SUDS3: variants seen among roughly 807,000 people sequenced by gnomAD.
The protein encoded by SUDS3 is SIN3A corepressor complex component SDS3, also known as sin3 histone deacetylase corepressor complex component SDS3.
In SUDS3, 23 loss-of-function variants were observed where a neutral mutation model predicts 53.5. The observed-to-expected ratio is 0.43, with a 90% CI of 0.31 to 0.61. The LOEUF is 0.61. Among genes scored for constraint, SUDS3 ranks in the 20% least tolerant of loss-of-function variants. SUDS3 has a pLI of 0.10. For synonymous variants in SUDS3, 150 were observed against 148.5 expected (o/e 1.01, Z -0.08); for missense variants, 291 against 405.9 (o/e 0.72, Z 2.43).
chr12:118,405,677 A>G (rs578045176), intron 10 of SUDS3, among the ~76,000 whole-genome samples: 1 of 152,166 alleles, frequency 6.6e-6, no homozygotes, highest in Non-Finnish European at 1.5e-5. Context: ...CAGAGATCAT[A>G]ATGCAGTTGT....
chr12:118,409,181 T>C (rs2141391774), intron 10 of SUDS3, among the ~76,000 whole-genome samples: 1 of 151,618 alleles, frequency 6.6e-6, no homozygotes, highest in Admixed American at 6.6e-5. Context: ...AGAGTCTCGC[T>C]CTGTTGCTCA....
rs1309751595 is a variant in SUDS3 at position 118,415,906 on chromosome 12, C to G, written c.*1473C>G. Reference sequence around the variant, plus strand: ...TTATACAGATAGATTTTTGTTTTAACTTACAATCCGTTTTTTCCTCTTTTT... The same window carrying G: ...TTATACAGATAGATTTTTGTTTTAAGTTACAATCCGTTTTTTCCTCTTTTT... On this transcript the variant is annotated 3_prime_UTR_variant, in exon 12 of 12. Coordinates refer to ENST00000543473, the MANE Select transcript of SUDS3 (RefSeq NM_022491.3). 6.6e-6 allele frequency: 1 copy of G among 150,604 alleles called. No individual in the cohort carries two copies. The highest frequency in any genetic ancestry group is 2.0e-4 in the East Asian group (1 of 5,122). The allele number at this position is 150,604 out of a possible 1,614,324, so 9.3% of individuals were successfully genotyped here.
At chr12:118,379,352 G>T (rs552699136) in intron 1 of SUDS3, among the ~76,000 whole-genome samples, 2 of 152,044 alleles carry the variant, frequency 1.3e-5, no homozygotes, top group Non-Finnish European at 2.9e-5. Flanking sequence ...CAGGAGAATC[G>T]CTTGAACCCA....
In SUDS3 at chr12:118,414,945, G is replaced by A. The variant is rs1041554807; in HGVS notation, c.*512G>A. ...GGCAGAGGTCCTAGCAGGAGATGAT[G>A]AATTCTCGTGGCTCTCGGCCTTCTC... On this transcript the variant is annotated 3_prime_UTR_variant, in exon 12 of 12. Transcript: ENST00000543473. The A allele has an allele frequency of 1.3e-5, 2 of 152,306 alleles. No individual in the cohort carries two copies. Among genetic ancestry groups the A allele is most frequent in the African/African-American group, 4.8e-5 (2 of 41,464 alleles). The allele number at this position is 152,306 out of a possible 1,614,324, so 9.4% of individuals were successfully genotyped here.
Position 118,414,453 on chromosome 12 carries a change from C to T in SUDS3, c.*20C>T. ...GCTTGACTTTCTACAGTGCTCTTCTCTTGACCCTTTTTCTGGAGTGGGTTT... is the reference window on the plus strand; with the variant it reads ...GCTTGACTTTCTACAGTGCTCTTCTTTTGACCCTTTTTCTGGAGTGGGTTT... On this transcript the variant is annotated 3_prime_UTR_variant, in exon 12 of 12. Coordinates refer to ENST00000543473, the MANE Select transcript of SUDS3 (RefSeq NM_022491.3). The T allele has an allele frequency of 6.5e-7, 1 of 1,532,492 alleles. No homozygotes were observed. The highest frequency in any genetic ancestry group is 1.2e-5 in the South Asian group (1 of 80,308). The allele number at this position is 1,532,492 out of a possible 1,614,324, so 94.9% of individuals were successfully genotyped here. A position where few individuals can be genotyped will look rare whatever the true frequency, so the allele number is the denominator to read the frequency against.
At chr12:118,407,955 G>T (rs1442461056) in intron 10 of SUDS3, among the ~76,000 whole-genome samples, 4 of 152,018 alleles carry the variant, frequency 2.6e-5, no homozygotes, top group Non-Finnish European at 5.9e-5. Context: ...AGGCTGGAGT[G>T]CAGTGGCGCC....
intron 9 of SUDS3, among the ~76,000 whole-genome samples, chr12:118,402,855 G>A (rs1433135238): frequency 6.6e-6 from 1 of 151,870 alleles, no homozygotes; most frequent in African/African-American, 2.4e-5. Flanking sequence ...CCGACTCCCA[G>A]GTTCAAGTGA....
intron 2 of SUDS3, among the ~76,000 whole-genome samples, chr12:118,383,152 G>T (rs923300342): frequency 1.3e-5 from 2 of 152,150 alleles, no homozygotes; most frequent in Non-Finnish European, 2.9e-5. Context: ...TTATTTGAGC[G>T]CTAAAAAGGT....
At chr12:118,399,887 G>C (rs61943403) in intron 6 of SUDS3, among the ~76,000 whole-genome samples, 22,417 of 152,164 alleles carry the variant, frequency 0.15, 1,716 homozygotes, top group Middle Eastern at 0.2. Flanking sequence ...GGAGCTGGAA[G>C]TGGTGATTGC....
intron 10 of SUDS3, among the ~76,000 whole-genome samples, chr12:118,410,580 T>TTTATTTA (rs1491473858): frequency 3.0e-5 from 4 of 133,554 alleles, no homozygotes; most frequent in African/African-American, 1.2e-4. Context: ...TATTTATTTA[T>TTTATTTA]TTTATTTATT....
intron 4 of SUDS3, among the ~76,000 whole-genome samples, chr12:118,387,067 G>A (rs1235330220): frequency 6.6e-6 from 1 of 152,122 alleles, no homozygotes; most frequent in Non-Finnish European, 1.5e-5. Flanking sequence ...ACTCTCCAAC[G>A]CTTCACTGTG....
chr12:118,384,599 G>T (rs1020811676), intron 3 of SUDS3, among the ~76,000 whole-genome samples: 4 of 152,128 alleles, frequency 2.6e-5, no homozygotes, highest in African/African-American at 7.2e-5. Context: ...TTGCGAGGCC[G>T]AGGCGGGTGG....
chr12:118,383,989 G>T (rs767406856), intron 2 of SUDS3, 23 bp from the exon 3 acceptor site: 8 of 1,585,802 alleles, frequency 5.0e-6, no homozygotes, highest in Non-Finnish European at 6.0e-6. Context: ...TTATCTGTTA[G>T]TGTGACTTTT....
Position 118,403,466 on chromosome 12 carries a change from A to G in SUDS3, c.752A>G (p.Gln251Arg), listed in dbSNP as rs2046282128. Residue 251 changes from glutamine (Q) to arginine (R), a missense_variant, in exon 10 of 12, where the codon CAG becomes CGG. By Grantham distance (43) the Gln-to-Arg change is conservative. Coordinates refer to ENST00000543473, the MANE Select transcript of SUDS3 (RefSeq NM_022491.3). ...LPATPAESPA[Q>R]RFEARIEDGK... ...GCAACACCCGCGGAATCTCCAGCCCAGAGGTTCGAAGCTCGGATAGAAGAT... is the reference window on the plus strand; with the variant it reads ...GCAACACCCGCGGAATCTCCAGCCCGGAGGTTCGAAGCTCGGATAGAAGAT... 6.2e-7 allele frequency: 1 copy of G among 1,613,660 alleles called. No individual in the cohort carries two copies. The highest frequency in any genetic ancestry group is 1.3e-5 in the African/African-American group (1 of 74,916).
At position 118,417,774 on chromosome 12, in the gene SUDS3, A is replaced by G. The variant is rs2046414591; in HGVS notation, c.*3341A>G. 1 of 151,770 alleles carries G rather than the reference A, an allele frequency of 6.6e-6. No homozygotes were observed. The highest frequency in any genetic ancestry group is 1.5e-5 in the Non-Finnish European group (1 of 67,986). 9.4% of individuals were successfully genotyped at this position (151,770 alleles called of 1,614,324 possible). On this transcript the variant is annotated 3_prime_UTR_variant, in exon 12 of 12. Coordinates refer to ENST00000543473, the MANE Select transcript of SUDS3 (RefSeq NM_022491.3). Reference sequence around the variant, plus strand: ...TTGACTTGATAAGTGATAGAAATTTATTTTAGGTTTTTGATCCATTGCTTA... The same window carrying G: ...TTGACTTGATAAGTGATAGAAATTTGTTTTAGGTTTTTGATCCATTGCTTA...
At chr12:118,384,399 G>GT (rs1383718452) in intron 3 of SUDS3, among the ~76,000 whole-genome samples, 7 of 152,156 alleles carry the variant, frequency 4.6e-5, no homozygotes, top group African/African-American at 1.4e-4. Context: ...AGTTTTTACT[G>GT]TTTTTTCTAA....
intron 1 of SUDS3, among the ~76,000 whole-genome samples, chr12:118,378,378 G>A (rs1429637224): frequency 6.6e-6 from 1 of 152,084 alleles, no homozygotes; most frequent in Non-Finnish European, 1.5e-5. Context: ...AAAAAAATTG[G>A]ATCTGTACTG....
chr12:118,376,895 G>A, intron 1 of SUDS3, 62 bp downstream of exon 1: 1 of 1,426,940 alleles, frequency 7.0e-7, no homozygotes, highest in Non-Finnish European at 9.1e-7. Flanking sequence ...GGAGGGGGTG[G>A]GGCTGTTCGG....
At chr12:118,398,436 T>C (rs541532736) in intron 6 of SUDS3, among the ~76,000 whole-genome samples, 1 of 152,216 alleles carries the variant, frequency 6.6e-6, no homozygotes, top group East Asian at 1.9e-4. Context: ...GATAGGAGAT[T>C]TCTTTTAGGG....
Sources: allele counts gnomAD v4.1 joint callset (sites outside exome capture counted in the v4.1 genomes callset), GRCh38; gene constraint gnomAD v4.1.1; transcripts MANE v1.5; gene names NCBI Gene and HGNC (gene_info 2026-07-23, HGNC 2026-07-21).